Variants in HHLA2 observed in about 807,000 individuals in gnomAD.
The protein encoded by HHLA2 is HERV-H LTR-associating protein 2.
In HHLA2, 48 loss-of-function variants were observed where a neutral mutation model predicts 45.9. That is an observed-to-expected ratio of 1.05 (90% CI 0.83 to 1.33). The LOEUF (loss-of-function observed/expected upper bound fraction) is 1.33. HHLA2 is among the 40% of genes most tolerant of loss of function. The pLI, the probability that HHLA2 is intolerant of heterozygous loss-of-function variation, is 0.00. For missense variants in HHLA2, 462 were observed against 494.3 expected (o/e 0.93, Z 0.62); for synonymous variants, 161 against 173.9 (o/e 0.93, Z 0.59).
At chr3:108,362,476 G>T in intron 8 of HHLA2, 30 bp downstream of exon 7, 1 of 1,379,884 alleles carries the variant, frequency 7.2e-7, no homozygotes. Flanking sequence ...TCTGCCCCAC[G>T]TGTTCCACAT....
intron 1 of HHLA2, among the ~76,000 whole-genome samples, chr3:108,299,646 T>C (rs368142684): frequency 6.6e-6 from 1 of 152,114 alleles, no homozygotes; most frequent in African/African-American, 2.4e-5. Flanking sequence ...TTTTTCTTCC[T>C]AGAGTTTTAG....
At chr3:108,343,883 G>A (rs1386963938) in intron 3 of HHLA2, among the ~76,000 whole-genome samples, 7 of 152,206 alleles carry the variant, frequency 4.6e-5, no homozygotes, top group Middle Eastern at 3.2e-3. Context: ...TTCCAGCTTC[G>A]TAATTCAGTT....
intron 3 of HHLA2, among the ~76,000 whole-genome samples, chr3:108,351,147 C>T (rs565891041): frequency 1.3e-4 from 20 of 152,152 alleles, no homozygotes; most frequent in Non-Finnish European, 2.2e-4. Context: ...TGTGTATACA[C>T]GTTTTGCCAT....
chr3:108,324,924 C>T (rs2081262779), intron 2 of HHLA2, among the ~76,000 whole-genome samples: 1 of 152,126 alleles, frequency 6.6e-6, no homozygotes, highest in Admixed American at 6.6e-5. Context: ...TGATATACTT[C>T]ATTGGTTCTT....
At chr3:108,344,003 A>G (rs2081619179) in intron 3 of HHLA2, among the ~76,000 whole-genome samples, 1 of 152,210 alleles carries the variant, frequency 6.6e-6, no homozygotes, top group Non-Finnish European at 1.5e-5. Flanking sequence ...AGCTTTCATT[A>G]CTTCAGTGGA....
chr3:108,357,808 T>C (rs749159843), intron 6 of HHLA2, 36 bp from the exon 6 acceptor site: 1 of 1,499,180 alleles, frequency 6.7e-7, no homozygotes, highest in East Asian at 2.3e-5. Context: ...GAAATGTTTA[T>C]CTTCATTGAT....
rs541700038 is a variant in HHLA2 at position 108,377,303 on chromosome 3, T to G, written c.*25T>G. 22 of 1,560,398 alleles carry G rather than the reference T, an allele frequency of 1.4e-5. 1 individual carries two copies. The South Asian group carries it at 2.5e-4, about 18-fold the overall frequency. ...GGAAATGAGAGAAGACTGTGACAAC[T>G]CATGACCTGCATCCTTAATATCCAG... On this transcript the variant is annotated 3_prime_UTR_variant, in exon 11 of 11. Coordinates refer to ENST00000619531, the Ensembl canonical transcript of HHLA2.
chr3:108,312,860 A>G (rs942499999), intron 2 of HHLA2, among the ~76,000 whole-genome samples: 1 of 152,220 alleles, frequency 6.6e-6, no homozygotes, highest in Non-Finnish European at 1.5e-5. Flanking sequence ...TACAGAGGGA[A>G]TGGAGAAAAT....
chr3:108,376,718 T>C (rs1458223048), intron 10 of HHLA2, 161 bp downstream of exon 9: 7 of 550,608 alleles, frequency 1.3e-5, no homozygotes, highest in Non-Finnish European at 2.2e-5. Context: ...AAAATATAAT[T>C]AGGCTTTTCC....
intron 1 of HHLA2, among the ~76,000 whole-genome samples, chr3:108,301,413 G>A (rs959624498): frequency 3.3e-5 from 5 of 151,912 alleles, no homozygotes; most frequent in Non-Finnish European, 7.4e-5. Context: ...TTTTATTTAC[G>A]TTTCTGAGGA....
At chr3:108,328,305 T>C (rs1225758663) in exon 3 of HHLA2, 3 of 1,529,668 alleles carry the variant, frequency 2.0e-6, no homozygotes, top group Admixed American at 4.0e-5. Context: ...CAGATTGTGA[T>C]GGTGATGTGG....
intron 5 of HHLA2, among the ~76,000 whole-genome samples, chr3:108,354,301 T>C (rs1189002704): frequency 6.6e-6 from 1 of 151,978 alleles, no homozygotes; most frequent in Admixed American, 6.6e-5. Context: ...AGTTAATACA[T>C]ACAGTTATAT....
intron 3 of HHLA2, among the ~76,000 whole-genome samples, chr3:108,333,211 T>C (rs1047534480): frequency 1.3e-5 from 2 of 152,192 alleles, no homozygotes; most frequent in Non-Finnish European, 2.9e-5. Flanking sequence ...CCCGACTTCA[T>C]AAATTATGTG....
In HHLA2 at chr3:108,375,658, T is replaced by C. The variant is rs1407439538; in HGVS notation, c.1109-92T>C. 2.7e-6 allele frequency: 4 copies of C among 1,461,436 alleles called. No homozygotes were observed. The African/African-American group carries it at 4.2e-5, about 15-fold the overall frequency. The allele number at this position is 1,461,436 out of a possible 1,614,324, so 90.5% of individuals were successfully genotyped here. Reference sequence around the variant, plus strand: ...CAAAGAACCAGAGAGTGACTTTCAATTGAAGGACAGAGCCATACCAAGGTG... The same window carrying C: ...CAAAGAACCAGAGAGTGACTTTCAACTGAAGGACAGAGCCATACCAAGGTG... On this transcript the variant is annotated intron_variant, in intron 8 of 10. Transcript: ENST00000619531.
intron 2 of HHLA2, among the ~76,000 whole-genome samples, chr3:108,324,678 ACAGTT>A (rs1429692902): frequency 6.6e-6 from 1 of 152,214 alleles, no homozygotes; most frequent in African/African-American, 2.4e-5. Context: ...CTTAAACAGT[ACAGTT>A]AAGTTTTGCC....
intron 1 of HHLA2, among the ~76,000 whole-genome samples, chr3:108,306,536 G>A (rs1163594753): frequency 6.6e-6 from 1 of 152,090 alleles, no homozygotes; most frequent in Non-Finnish European, 1.5e-5. Context: ...GTTTTAAACT[G>A]CTATCCAATT....
intron 3 of HHLA2, among the ~76,000 whole-genome samples, chr3:108,348,690 G>A (rs968185865): frequency 6.6e-6 from 1 of 151,708 alleles, no homozygotes; most frequent in Non-Finnish European, 1.5e-5. Context: ...GGTTACATGT[G>A]CAGAACATGC....
intron 1 of HHLA2, among the ~76,000 whole-genome samples, chr3:108,305,974 G>A (rs1042077343): frequency 2.6e-5 from 4 of 152,104 alleles, no homozygotes; most frequent in Non-Finnish European, 5.9e-5. Flanking sequence ...TTGTGTCATG[G>A]CCATGACTGA....
At chr3:108,325,742 C>A in intron 2 of HHLA2, 1 of 248,522 alleles carries the variant, frequency 4.0e-6, no homozygotes, top group African/African-American at 2.3e-5. Flanking sequence ...CCCGCAGCCA[C>A]CATATCTACG....
Sources: gnomAD v4.1 joint callset for allele counts (sites outside exome capture counted in the v4.1 genomes callset) on GRCh38, gnomAD v4.1.1 for gene constraint, MANE v1.5 for transcripts, NCBI Gene and HGNC (gene_info 2026-07-23, HGNC 2026-07-21) for gene names.